Variants in RYR3 observed in about 807,000 individuals in gnomAD.
RYR3 encodes ryanodine receptor 3.
A neutral mutation model predicts 584.3 loss-of-function variants in RYR3; 207 were observed. The ratio of observed to expected loss-of-function variants is 0.35; its 90% CI spans 0.32 to 0.40. The LOEUF (loss-of-function observed/expected upper bound fraction) is 0.40. Among genes scored for constraint, RYR3 ranks in the 10% least tolerant of loss-of-function variants. The pLI, the probability that RYR3 is intolerant of heterozygous loss-of-function variation, is 1.00. For synonymous variants in RYR3, 2,416 were observed against 2,248.5 expected, an observed-to-expected ratio of 1.07 and a Z score of -2.11; for missense variants, 5,616 against 6,089.2, an observed-to-expected ratio of 0.92 and a Z score of 2.59.
At chr15:33,522,270 A>C (rs1285628170) in intron 3 of RYR3, among the ~76,000 whole-genome samples, 2 of 152,036 alleles carry the variant, frequency 1.3e-5, no homozygotes, top group East Asian at 3.9e-4. Context: ...CTCAAAAAAA[A>C]AAAAAATTCT....
intron 3 of RYR3, among the ~76,000 whole-genome samples, chr15:33,524,108 C>G (rs1207884591): frequency 1.3e-5 from 2 of 152,162 alleles, no homozygotes; most frequent in Admixed American, 1.3e-4. Context: ...CATGTTGTTG[C>G]ACTACCCCCC....
intron 1 of RYR3, among the ~76,000 whole-genome samples, chr15:33,334,841 A>AC (rs1567043268): frequency 3.9e-5 from 6 of 151,936 alleles, no homozygotes; most frequent in Non-Finnish European, 8.8e-5. Flanking sequence ...AGAAAAAAAA[A>AC]AAACCCCATT....
At chr15:33,429,562 T>A (rs943346543) in intron 1 of RYR3, among the ~76,000 whole-genome samples, 3 of 152,218 alleles carry the variant, frequency 2.0e-5, no homozygotes, top group Non-Finnish European at 4.4e-5. Flanking sequence ...CATTGCTGTC[T>A]CTAATGTTTT....
chr15:33,859,808 TG>T (rs2080136669), intron 100 of RYR3, 77 bp downstream of exon 100: 1 of 1,435,090 alleles, frequency 7.0e-7, no homozygotes, highest in Non-Finnish European at 9.5e-7. Flanking sequence ...ATGACTTAAT[TG>T]GTTTATGAAG....
chr15:33,418,330 T>G (rs964439696), intron 1 of RYR3, among the ~76,000 whole-genome samples: 6 of 132,342 alleles, frequency 4.5e-5, no homozygotes, highest in Non-Finnish European at 9.4e-5. Context: ...CGTTGGCAGG[T>G]TTTTTTTTTT....
At chr15:33,516,069 A>G (rs1245961421) in intron 3 of RYR3, among the ~76,000 whole-genome samples, 1 of 152,178 alleles carries the variant, frequency 6.6e-6, no homozygotes, top group African/African-American at 2.4e-5. Context: ...AACCTTTATT[A>G]TGATATTTGT....
chr15:33,406,279 GAGA>G (rs1218196500), intron 1 of RYR3, among the ~76,000 whole-genome samples: 1 of 152,184 alleles, frequency 6.6e-6, no homozygotes, highest in Non-Finnish European at 1.5e-5. Flanking sequence ...GTGATTAGGG[GAGA>G]AGAAGTCCCA....
chr15:33,442,015 C>T (rs1437835481), intron 1 of RYR3, among the ~76,000 whole-genome samples: 3 of 152,216 alleles, frequency 2.0e-5, no homozygotes, highest in Non-Finnish European at 4.4e-5. Flanking sequence ...ATTTTGTCTA[C>T]TGCTCAGCTG....
Position 33,751,725 on chromosome 15 carries a change from T to C in RYR3, c.8399+1439T>C, listed in dbSNP as rs575987902. 8.5e-5 allele frequency among the ~76,000 whole-genome samples: 13 copies of C among 152,322 alleles called. No homozygotes were observed. In the East Asian group the frequency reaches 1.3e-3, roughly 16 times the overall value. On this transcript the variant is annotated intron_variant, in intron 57 of 103. Transcript: ENST00000634891. ...AGTTTCTTTTGCTATGCAGAAGCTC[T>C]TTAGTTTAATTAGACCCCATTTGTC... is the stretch of plus-strand genomic sequence containing the variant.
At chr15:33,618,172 A>G (rs7165227) in intron 19 of RYR3, among the ~76,000 whole-genome samples, 25,755 of 152,072 alleles carry the variant, frequency 0.17, 2,338 homozygotes, top group East Asian at 0.23. Context: ...TTTTTTTTGC[A>G]GAAAATTCAT....
intron 2 of RYR3, among the ~76,000 whole-genome samples, chr15:33,481,004 T>C (rs572382741): frequency 4.5e-4 from 68 of 152,340 alleles, no homozygotes; most frequent in Middle Eastern, 3.4e-3. Flanking sequence ...AGCTCTGTTA[T>C]TAGGTGCATG....
rs61996324 is a variant in RYR3 at position 33,660,274 on chromosome 15, C to T, written c.4473C>T (p.Asp1491=). 3.6e-3 allele frequency: 5,594 copies of T among 1,558,636 alleles called. 13 individuals carry two copies. Among genetic ancestry groups the T allele is most frequent in the Non-Finnish European group, 4.4e-3 (5,076 of 1,151,222 alleles). The part of the protein sequence containing the change: ...NPVPQCPPRL[D]VQTIQPVLWS... ...TCCCACAGTGTCCACCTCGGCTGGA[C>T]GTCCAAACCATCCAGCCCGTGCTCT... Residue 1491 remains aspartate, a synonymous_variant, in exon 34 of 104, where the codon GAC becomes GAT. Transcript: ENST00000634891.
At chr15:33,400,025 T>G (rs186152190) in intron 1 of RYR3, among the ~76,000 whole-genome samples, 29 of 152,022 alleles carry the variant, frequency 1.9e-4, no homozygotes, top group African/African-American at 6.8e-4. Flanking sequence ...CTCATGCCCC[T>G]CCCCTCTTCT....
intron 67 of RYR3, among the ~76,000 whole-genome samples, chr15:33,789,624 T>TACATATATA (rs2074972395): frequency 8.6e-5 from 1 of 11,694 alleles, no homozygotes; most frequent in Non-Finnish European, 1.7e-4. Flanking sequence ...AGGTTTTATT[T>TACATATATA]TATATATATA....
intron 1 of RYR3, among the ~76,000 whole-genome samples, chr15:33,397,581 C>A (rs2042376203): frequency 6.6e-6 from 1 of 152,158 alleles, no homozygotes; most frequent in Non-Finnish European, 1.5e-5. Context: ...GGAACAGGGG[C>A]ATCGTCTGTG....
intron 46 of RYR3, among the ~76,000 whole-genome samples, chr15:33,728,236 AATGT>A (rs1296600678): frequency 2.6e-5 from 4 of 152,200 alleles, no homozygotes; most frequent in Non-Finnish European, 5.9e-5. Flanking sequence ...CCACCAATGT[AATGT>A]CACTGAACAC....
intron 84 of RYR3, 35 bp from the exon 85 acceptor site, chr15:33,827,164 A>G: frequency 1.5e-5 from 23 of 1,524,844 alleles, no homozygotes; most frequent in Non-Finnish European, 2.0e-5. Context: ...TCGGCATGGC[A>G]GGGACAAGCT....
At chr15:33,329,997 G>A (rs1970186956) in intron 1 of RYR3, among the ~76,000 whole-genome samples, 1 of 152,140 alleles carries the variant, frequency 6.6e-6, no homozygotes, top group Non-Finnish European at 1.5e-5. Context: ...TTGTGTATAA[G>A]TGCACAAACC....
rs2152628089 is a variant in RYR3, at chr15:33,630,017, C to T, written c.2757C>T (p.Asn919=). Residue 919 remains asparagine (N), a synonymous_variant, in exon 22 of 104, where the codon AAC becomes AAT. Coordinates refer to ENST00000634891, the MANE Select transcript of RYR3 (RefSeq NM_001036.6). ...TCCCAGAAACTGAGAAGAACTATAA[C>T]CTGCAAATGTCAACTGAAACCTTAA... ...SKLPETEKNY[N]LQMSTETLKT... 3 of 1,600,680 alleles carry T rather than the reference C, an allele frequency of 1.9e-6. No homozygotes were observed. The highest frequency in any genetic ancestry group is 8.5e-7 in the Non-Finnish European group (1 of 1,172,718).
Sources: gnomAD v4.1 joint callset for allele counts (sites outside exome capture counted in the v4.1 genomes callset) on GRCh38, gnomAD v4.1.1 for gene constraint, MANE v1.5 for transcripts, NCBI Gene and HGNC (gene_info 2026-07-23, HGNC 2026-07-21) for gene names.